FSHR: variants seen among roughly 807,000 people sequenced by gnomAD.
The protein encoded by FSHR is follicle-stimulating hormone receptor.
In FSHR, 46 loss-of-function variants were observed where a neutral mutation model predicts 52.1. The observed-to-expected ratio is 0.88, with a 90% CI of 0.70 to 1.13. FSHR has a LOEUF of 1.13. Among genes scored for constraint, FSHR ranks in the 50% most tolerant of loss-of-function variants. FSHR has a pLI of 0.00. For missense variants in FSHR, 964 were observed against 834.6 expected (o/e 1.16, Z -1.91); for synonymous variants, 399 against 309.6 (o/e 1.29, Z -3.03).
At chr2:49,012,300 C>A (rs1275562780) in intron 4 of FSHR, among the ~76,000 whole-genome samples, 1 of 151,970 alleles carries the variant, frequency 6.6e-6, no homozygotes, top group Non-Finnish European at 1.5e-5. Flanking sequence ...GAAGGCAGAG[C>A]AGTAAAGAAA....
At chr2:49,027,850 C>CAA (rs397868435) in intron 2 of FSHR, among the ~76,000 whole-genome samples, 1,027 of 49,378 alleles carry the variant, frequency 0.021, 18 homozygotes, top group African/African-American at 0.064. Context: ...ACTCTTTCTC[C>CAA]AAAAAAAAAA....
chr2:49,028,009 A>G (rs1008946377), intron 2 of FSHR, among the ~76,000 whole-genome samples: 12 of 152,122 alleles, frequency 7.9e-5, no homozygotes, highest in African/African-American at 2.9e-4. Flanking sequence ...GGTAGGTAGT[A>G]AGGGAGTGGA....
chr2:49,138,715 T>C (rs1672572345), intron 1 of FSHR, among the ~76,000 whole-genome samples: 1 of 152,188 alleles, frequency 6.6e-6, no homozygotes, highest in African/African-American at 2.4e-5. Flanking sequence ...ATAGCTAACA[T>C]GTATGAGTTT....
chr2:49,086,339 C>A (rs1670391880), intron 1 of FSHR, among the ~76,000 whole-genome samples: 1 of 152,156 alleles, frequency 6.6e-6, no homozygotes, highest in South Asian at 2.1e-4. Context: ...GATGTAGCAA[C>A]CCTGAGCTAC....
chr2:49,048,263 A>T (rs201272833), intron 2 of FSHR, among the ~76,000 whole-genome samples: 6 of 35,636 alleles, frequency 1.7e-4, no homozygotes, highest in East Asian at 4.1e-3. Context: ...TGAGGATGAT[A>T]AAAAAAAAGT....
intron 4 of FSHR, among the ~76,000 whole-genome samples, chr2:48,999,776 C>T (rs1922471): frequency 0.78 from 118,684 of 151,978 alleles, 46,443 homozygotes; most frequent in Admixed American, 0.82. Context: ...TTTACCATGA[C>T]ATTATTCATT....
chr2:49,109,204 G>A (rs148644056), intron 1 of FSHR, among the ~76,000 whole-genome samples: 67 of 152,232 alleles, frequency 4.4e-4, no homozygotes, highest in Admixed American at 7.9e-4. Context: ...CTAGGCCAAG[G>A]GCAAAGTTAA....
intron 1 of FSHR, among the ~76,000 whole-genome samples, chr2:49,079,833 A>G (rs1386162856): frequency 6.6e-6 from 1 of 152,134 alleles, no homozygotes. Context: ...ACACACAAAA[A>G]TCCCGCACTA....
At chr2:49,082,775 C>A (rs1234333316) in intron 1 of FSHR, among the ~76,000 whole-genome samples, 1 of 151,920 alleles carries the variant, frequency 6.6e-6, no homozygotes, top group South Asian at 2.1e-4. Context: ...TGAAATGAAG[C>A]GAGGAGGGAA....
intron 1 of FSHR, among the ~76,000 whole-genome samples, chr2:49,085,817 A>ATC (rs1670363256): frequency 6.6e-6 from 1 of 152,172 alleles, no homozygotes; most frequent in African/African-American, 2.4e-5. Context: ...CTTTGTAGGG[A>ATC]CATGGATAAA....
At chr2:49,072,456 A>C (rs1401776298) in intron 1 of FSHR, among the ~76,000 whole-genome samples, 2 of 152,184 alleles carry the variant, frequency 1.3e-5, no homozygotes, top group East Asian at 3.8e-4. Context: ...TTAATGAGCC[A>C]AGCTTCCAAT....
intron 6 of FSHR, among the ~76,000 whole-genome samples, chr2:48,988,014 ATC>A (rs1385917589): frequency 6.6e-6 from 1 of 152,128 alleles, no homozygotes; most frequent in Non-Finnish European, 1.5e-5. Flanking sequence ...TTCTATGCTA[ATC>A]TGTTTTCAAA....
chr2:48,966,721 G>A (rs1468613683), intron 9 of FSHR, among the ~76,000 whole-genome samples: 1 of 152,186 alleles, frequency 6.6e-6, no homozygotes. Flanking sequence ...TGTGTTGTTT[G>A]TGTGTGAATT....
chr2:48,973,359 T>A (rs879409963), intron 8 of FSHR, among the ~76,000 whole-genome samples: 1 of 152,142 alleles, frequency 6.6e-6, no homozygotes, highest in African/African-American at 2.4e-5. Flanking sequence ...TACTTGGAAG[T>A]GGACCCCCCG....
intron 2 of FSHR, among the ~76,000 whole-genome samples, chr2:49,033,245 C>T (rs760810848): frequency 5.3e-5 from 8 of 152,128 alleles, no homozygotes; most frequent in Non-Finnish European, 7.3e-5. Flanking sequence ...AATGAGGAAA[C>T]GTGAAAACTA....
chr2:48,993,018 T>C (rs1675856556), intron 4 of FSHR, among the ~76,000 whole-genome samples: 1 of 152,120 alleles, frequency 6.6e-6, no homozygotes. Flanking sequence ...TTTCTATTGG[T>C]TTCTGTCATT....
At chr2:49,033,243 A>G (rs542936244) in intron 2 of FSHR, among the ~76,000 whole-genome samples, 1 of 152,206 alleles carries the variant, frequency 6.6e-6, no homozygotes, top group East Asian at 1.9e-4. Context: ...ACAATGAGGA[A>G]ACGTGAAAAC....
intron 4 of FSHR, among the ~76,000 whole-genome samples, chr2:48,993,443 C>T (rs1675875560): frequency 6.6e-6 from 1 of 152,136 alleles, no homozygotes; most frequent in Non-Finnish European, 1.5e-5. Context: ...TCAAAGTCCT[C>T]TTAGATTCCA....
chr2:49,092,530 G>A (rs954112035), intron 1 of FSHR, among the ~76,000 whole-genome samples: 2 of 152,172 alleles, frequency 1.3e-5, no homozygotes, highest in Admixed American at 6.5e-5. Context: ...TCTGCTGAAT[G>A]TTTAACCAAG....
Sources: allele counts gnomAD v4.1 joint callset (sites outside exome capture counted in the v4.1 genomes callset), GRCh38; gene constraint gnomAD v4.1.1; transcripts MANE v1.5; gene names NCBI Gene and HGNC (gene_info 2026-07-23, HGNC 2026-07-21).